SH3GL2: variants seen among roughly 807,000 people sequenced by gnomAD.
SH3GL2 encodes the protein endophilin-A1.
A neutral mutation model predicts 46.0 loss-of-function variants in SH3GL2; 24 were observed. That is an observed-to-expected ratio of 0.52 (90% CI 0.38 to 0.73). The LOEUF (loss-of-function observed/expected upper bound fraction) is 0.73. Among genes scored for constraint, SH3GL2 ranks in the 30% least tolerant of loss-of-function variants. The pLI is 0.00. For synonymous variants in SH3GL2, 196 were observed against 147.1 expected, an observed-to-expected ratio of 1.33 and a Z score of -2.40; for missense variants, 413 against 424.2, an observed-to-expected ratio of 0.97 and a Z score of 0.23.
intron 1 of SH3GL2, among the ~76,000 whole-genome samples, chr9:17,711,527 T>G (rs1322625480): frequency 6.6e-6 from 1 of 151,854 alleles, no homozygotes; most frequent in Admixed American, 6.6e-5. Context: ...CATAGATTAG[T>G]TTGAGTTTTC....
At chr9:17,588,844 A>G (rs569679095) in intron 1 of SH3GL2, among the ~76,000 whole-genome samples, 9 of 152,344 alleles carry the variant, frequency 5.9e-5, no homozygotes, top group African/African-American at 1.7e-4. Flanking sequence ...CTGAAAATGA[A>G]GAGAAGGAAT....
chr9:17,668,228 C>G (rs980637506), intron 1 of SH3GL2, among the ~76,000 whole-genome samples: 1 of 152,162 alleles, frequency 6.6e-6, no homozygotes, highest in Non-Finnish European at 1.5e-5. Context: ...ACGATGTTTT[C>G]TTTTAAGAGC....
At chr9:17,747,680 T>A (rs1822732301) in intron 2 of SH3GL2, among the ~76,000 whole-genome samples, 1 of 152,078 alleles carries the variant, frequency 6.6e-6, no homozygotes, top group African/African-American at 2.4e-5. Context: ...ATTATTATTG[T>A]TATTATTTTT....
intron 1 of SH3GL2, among the ~76,000 whole-genome samples, chr9:17,726,592 A>G (rs1456243350): frequency 6.6e-6 from 1 of 152,148 alleles, no homozygotes; most frequent in Non-Finnish European, 1.5e-5. Context: ...CGACACACGA[A>G]TAAGAAGAGA....
Position 17,702,669 on chromosome 9 carries a change from A to G in SH3GL2, c.46-44397A>G, listed in dbSNP as rs147768248. Among the ~76,000 whole-genome samples the G allele has an allele frequency of 7.5e-4, 114 of 152,250 alleles. 1 individual carries two copies. The highest frequency in any genetic ancestry group is 2.5e-3 in the African/African-American group (105 of 41,564). The stretch of plus-strand genomic sequence containing the variant: ...TCCTTTTTTCCCTCAACACATTAAA[A>G]TGCCATTATTACAATTAGGAAATTA... On this transcript the variant is annotated intron_variant, in intron 1 of 8. Coordinates refer to ENST00000380607, the MANE Select transcript of SH3GL2 (RefSeq NM_003026.5).
At chr9:17,738,372 G>T (rs186123358) in intron 1 of SH3GL2, among the ~76,000 whole-genome samples, 7 of 151,618 alleles carry the variant, frequency 4.6e-5, no homozygotes, top group Admixed American at 4.0e-4. Context: ...TATATGGTCT[G>T]CCTGTGTTGT....
chr9:17,648,971 T>C (rs1588204502), intron 1 of SH3GL2, among the ~76,000 whole-genome samples: 1 of 152,230 alleles, frequency 6.6e-6, no homozygotes, highest in African/African-American at 2.4e-5. Flanking sequence ...CTTATCTATC[T>C]CTGAATAGAA....
At chr9:17,604,504 T>C (rs1052178934) in intron 1 of SH3GL2, among the ~76,000 whole-genome samples, 5 of 152,232 alleles carry the variant, frequency 3.3e-5, no homozygotes, top group African/African-American at 1.2e-4. Flanking sequence ...CAAAGAGCCT[T>C]TAGGGACAGA....
intron 2 of SH3GL2, among the ~76,000 whole-genome samples, chr9:17,760,565 TAACA>T (rs1823141323): frequency 6.6e-6 from 1 of 152,162 alleles, no homozygotes; most frequent in South Asian, 2.1e-4. Context: ...GGGAGCCTTT[TAACA>T]AACAGAAAAT....
At chr9:17,591,229 A>G (rs1818476335) in intron 1 of SH3GL2, 1 of 152,202 alleles carries the variant, frequency 6.6e-6, no homozygotes, top group African/African-American at 2.4e-5. Flanking sequence ...TCCTAAATTG[A>G]TGACTGTTAC....
At chr9:17,733,267 T>A (rs7868499) in intron 1 of SH3GL2, among the ~76,000 whole-genome samples, 1 of 152,156 alleles carries the variant, frequency 6.6e-6, no homozygotes, top group Non-Finnish European at 1.5e-5. Flanking sequence ...TAAATTTTTT[T>A]TATTTTTTTC....
chr9:17,697,539 C>A (rs1281735337), intron 1 of SH3GL2, among the ~76,000 whole-genome samples: 1 of 151,956 alleles, frequency 6.6e-6, no homozygotes, highest in Admixed American at 6.6e-5. Context: ...CATTTCTATA[C>A]AGGTCCAGTC....
At chr9:17,786,155 A>G (rs2274216) in intron 3 of SH3GL2, among the ~76,000 whole-genome samples, 122,771 of 151,634 alleles carry the variant, frequency 0.81, 50,150 homozygotes, top group East Asian at 0.91. Context: ...CCAGAACAGA[A>G]TTGCTGTAAT....
chr9:17,596,176 C>A (rs927138531), intron 1 of SH3GL2, among the ~76,000 whole-genome samples: 1 of 149,088 alleles, frequency 6.7e-6, no homozygotes, highest in African/African-American at 2.6e-5. Context: ...TAGCTTAAAA[C>A]TATTGGAACA....
At chr9:17,645,182 T>TTTTTTTTTA (rs1819781790) in intron 1 of SH3GL2, among the ~76,000 whole-genome samples, 2 of 72,704 alleles carry the variant, frequency 2.8e-5, no homozygotes, top group Non-Finnish European at 5.7e-5. Flanking sequence ...TTTTTTTTTT[T>TTTTTTTTTA]GCTTTCCATT....
At chr9:17,584,948 T>A (rs1588155981) in intron 1 of SH3GL2, among the ~76,000 whole-genome samples, 1 of 152,348 alleles carries the variant, frequency 6.6e-6, no homozygotes, top group East Asian at 1.9e-4. Context: ...TTGGTTTCAG[T>A]CTACTTAGAA....
At chr9:17,591,504 A>G (rs942438451) in intron 1 of SH3GL2, among the ~76,000 whole-genome samples, 1 of 152,168 alleles carries the variant, frequency 6.6e-6, no homozygotes, top group Non-Finnish European at 1.5e-5. Context: ...TGCTTGTCAC[A>G]TTATTTCATT....
intron 2 of SH3GL2, 73 bp downstream of exon 2, chr9:17,747,207 C>T (rs763568498): frequency 1.0e-4 from 93 of 887,760 alleles, no homozygotes; most frequent in Middle Eastern, 4.4e-4. Flanking sequence ...GAAGAGAAAA[C>T]GGGAGAGGGC....
At position 17,795,759 on chromosome 9, in the gene SH3GL2, G is replaced by A. The variant is rs368037468; in HGVS notation, c.*16G>A. 1.9e-6 allele frequency: 3 copies of A among 1,603,814 alleles called. No individual in the cohort carries two copies. The African/African-American group carries it at 4.0e-5, about 21-fold the overall frequency. On this transcript the variant is annotated 3_prime_UTR_variant, in exon 9 of 9. Coordinates refer to ENST00000380607, the MANE Select transcript of SH3GL2 (RefSeq NM_003026.5). The stretch of plus-strand genomic sequence containing the variant: ...GCCCCATTAGGATGTTATGCTGGCT[G>A]GCTCGCCTCCTCTTGACCCAGATAG...
Sources: allele counts gnomAD v4.1 joint callset (sites outside exome capture counted in the v4.1 genomes callset), GRCh38; gene constraint gnomAD v4.1.1; transcripts MANE v1.5; gene names NCBI Gene and HGNC (gene_info 2026-07-23, HGNC 2026-07-21).